MKKS: variants seen among roughly 807,000 people sequenced by gnomAD.
MKKS encodes MKKS centrosomal shuttling protein.
A neutral mutation model predicts 33.2 loss-of-function variants in MKKS; 29 were observed. The observed-to-expected ratio is 0.87, with a 90% CI of 0.65 to 1.19. The LOEUF (loss-of-function observed/expected upper bound fraction) is 1.19. MKKS is among the 50% of genes most tolerant of loss of function. The pLI is 0.00. For missense variants in MKKS, 661 were observed against 662.3 expected (o/e 1.00, Z 0.02); for synonymous variants, 260 against 244.0 (o/e 1.07, Z -0.61).
At chr20:10,425,049 G>A (rs1487426631) in intron 1 of MKKS, among the ~76,000 whole-genome samples, 4 of 139,058 alleles carry the variant, frequency 2.9e-5, no homozygotes, top group Non-Finnish European at 4.6e-5. Context: ...GCTAAACTCC[G>A]TCTCAAAAAA....
intron 2 of MKKS, among the ~76,000 whole-genome samples, chr20:10,418,147 T>C (rs2064953743): frequency 6.6e-6 from 1 of 152,258 alleles, no homozygotes; most frequent in Non-Finnish European, 1.5e-5. Flanking sequence ...TTATTCTTAC[T>C]GTTAAAGACA....
chr20:10,413,913 T>A lies in MKKS; in HGVS notation c.-399A>T, dbSNP rs1042353205. 1 of 416,266 alleles carries A rather than the reference T, an allele frequency of 2.4e-6. No individual in the cohort carries two copies. The highest frequency in any genetic ancestry group is 4.2e-6 in the Non-Finnish European group (1 of 235,896). The allele number at this position is 416,266 out of a possible 1,614,324, so 25.8% of individuals were successfully genotyped here. On this transcript the variant is annotated 5_prime_UTR_variant, in exon 3 of 6. Coordinates refer to ENST00000347364, the MANE Select transcript of MKKS (RefSeq NM_170784.3). ...CTCTTCTTTCGATATGAAGCTCAGA[T>A]TCAAAGCTGCTTCTTTACCTAATAA...
At chr20:10,421,416 C>CAA (rs57038274) in intron 1 of MKKS, among the ~76,000 whole-genome samples, 9 of 86,098 alleles carry the variant, frequency 1.0e-4, no homozygotes, top group Non-Finnish European at 1.9e-4. Flanking sequence ...GACTCCATCA[C>CAA]AAAAAAAAAA....
intron 1 of MKKS, among the ~76,000 whole-genome samples, chr20:10,428,545 A>C (rs2065031659): frequency 6.6e-6 from 1 of 152,180 alleles, no homozygotes; most frequent in African/African-American, 2.4e-5. Context: ...GCTCTCAACT[A>C]AATCTTCTTT....
intron 5 of MKKS, among the ~76,000 whole-genome samples, chr20:10,406,089 T>A (rs6108553): frequency 0.14 from 20,635 of 152,128 alleles, 1,525 homozygotes; most frequent in East Asian, 0.24. Flanking sequence ...AGTACTTATT[T>A]ATCTCTGCAA....
intron 3 of MKKS, among the ~76,000 whole-genome samples, chr20:10,411,063 T>C (rs947574490): frequency 2.8e-4 from 43 of 151,666 alleles, no homozygotes; most frequent in Non-Finnish European, 4.3e-4. Context: ...CTCGGTTCAC[T>C]GCAACCTCCA....
intron 1 of MKKS, among the ~76,000 whole-genome samples, chr20:10,433,435 G>GT (rs770798437): frequency 1.3e-5 from 2 of 152,170 alleles, no homozygotes; most frequent in Admixed American, 1.3e-4. Context: ...GGTCACTGCC[G>GT]TATCTACTAA....
At chr20:10,408,989 T>C (rs2064861906) in intron 3 of MKKS, among the ~76,000 whole-genome samples, 186 bp from the exon 4 acceptor site, 1 of 152,218 alleles carries the variant, frequency 6.6e-6, no homozygotes, top group Non-Finnish European at 1.5e-5. Flanking sequence ...TAAAATGATA[T>C]ACAAATAAAG....
In MKKS at chr20:10,402,292, C is replaced by T. The variant is rs1308822845; in HGVS notation, c.*2955G>A. Reference sequence around the variant, plus strand: ...TACCTTAGTTGCTATTTTTACTTATCATTTATTTCTGCCAAAAGGAACTCC... The same window carrying T: ...TACCTTAGTTGCTATTTTTACTTATTATTTATTTCTGCCAAAAGGAACTCC... On this transcript the variant is annotated 3_prime_UTR_variant, in exon 6 of 6. Coordinates refer to ENST00000347364, the MANE Select transcript of MKKS (RefSeq NM_170784.3). 2 of 152,134 alleles carry T rather than the reference C, an allele frequency of 1.3e-5. No individual in the cohort carries two copies. The highest frequency in any genetic ancestry group is 2.4e-5 in the African/African-American group (1 of 41,442). 9.4% of individuals were successfully genotyped at this position (152,134 alleles called of 1,614,324 possible). A position where few individuals can be genotyped will look rare whatever the true frequency, so the allele number is the denominator to read the frequency against.
At chr20:10,421,409 T>G (rs1358104871) in intron 1 of MKKS, among the ~76,000 whole-genome samples, 1 of 119,374 alleles carries the variant, frequency 8.4e-6, no homozygotes. Flanking sequence ...AGAATGAGAC[T>G]CCATCACAAA....
In MKKS at chr20:10,412,555, CAG is replaced by C. The variant is rs770908659; in HGVS notation, c.958_959del (p.Leu320AspfsTer6). The C allele has an allele frequency of 3.1e-6, 5 of 1,613,878 alleles. No individual in the cohort carries two copies. The highest frequency in any genetic ancestry group is 1.7e-5 in the Admixed American group (1 of 60,004). ...IIAIDRIGVTLMEPLTKMTGT... is the reference protein window; with the variant it reads ...IIAIDRIGVTXMEPLTKMTGT... ...CTGTCATTTTAGTCAGGGGTTCCAT[CAG>C]AGTCACTCCAATTCTGTCTATGGCA... is the stretch of plus-strand genomic sequence containing the variant. On this transcript the variant is annotated frameshift_variant, in exon 3 of 6. Coordinates refer to ENST00000347364, the MANE Select transcript of MKKS (RefSeq NM_170784.3). LOFTEE classifies it high-confidence loss of function.
intron 4 of MKKS, among the ~76,000 whole-genome samples, chr20:10,408,349 C>G (rs1156763053): frequency 6.6e-6 from 1 of 152,200 alleles, no homozygotes; most frequent in South Asian, 2.1e-4. Context: ...ACATTACCAT[C>G]AAAGACTACA....
At chr20:10,433,546 G>C (rs2065070948) in intron 1 of MKKS, among the ~76,000 whole-genome samples, 1 of 152,220 alleles carries the variant, frequency 6.6e-6, no homozygotes, top group Non-Finnish European at 1.5e-5. Flanking sequence ...ACGGCAACAG[G>C]ATTTGGGTAT....
intron 2 of MKKS, among the ~76,000 whole-genome samples, chr20:10,419,333 TA>T (rs1188936549): frequency 2.0e-5 from 3 of 152,128 alleles, no homozygotes; most frequent in African/African-American, 7.2e-5. Flanking sequence ...TTAGATTTTA[TA>T]AATACAATAT....
Position 10,401,486 on chromosome 20 carries a change from T to C in MKKS, c.*3761A>G, listed in dbSNP as rs565004104. On this transcript the variant is annotated 3_prime_UTR_variant, in exon 6 of 6. Coordinates refer to ENST00000347364, the MANE Select transcript of MKKS (RefSeq NM_170784.3). ...AGCTGAAACAGGGCCTTGTAGGAGA[T>C]GTTTAGTCTCTTTGACTATTCCCCA... The C allele has an allele frequency of 6.6e-6, 1 of 152,314 alleles. No individual in the cohort carries two copies. The highest frequency in any genetic ancestry group is 6.5e-5 in the Admixed American group (1 of 15,298). 9.4% of individuals were successfully genotyped at this position (152,314 alleles called of 1,614,324 possible).
chr20:10,416,647 T>C (rs2064940986), intron 2 of MKKS, among the ~76,000 whole-genome samples: 1 of 152,218 alleles, frequency 6.6e-6, no homozygotes, highest in South Asian at 2.1e-4. Context: ...TTTCCTTGTA[T>C]AAATGCATTT....
chr20:10,421,902 T>C (rs1426556222), intron 1 of MKKS, among the ~76,000 whole-genome samples: 1 of 152,082 alleles, frequency 6.6e-6, no homozygotes, highest in Admixed American at 6.6e-5. Context: ...CTTATACTCT[T>C]AATAAGGACT....
intron 1 of MKKS, among the ~76,000 whole-genome samples, chr20:10,432,094 T>C (rs1236303854): frequency 6.6e-6 from 1 of 152,212 alleles, no homozygotes; most frequent in Admixed American, 6.5e-5. Flanking sequence ...TTGACTTGGC[T>C]GAAGAGAGTT....
In MKKS at chr20:10,412,636, G is replaced by A; in HGVS notation, c.879C>T (p.Cys293=). The part of the protein sequence containing the change: ...LISDHVDLVL[C]QKVIHPSLKQ... ...TCAAAGATGGATGTATAACTTTTTG[G>A]CACAGGACAAGATCTACGTGGTCAC... The change falls in exon 3 of 6, where the codon TGC becomes TGT. Residue 293 remains cysteine (C), a synonymous_variant. Transcript: ENST00000347364. The A allele has an allele frequency of 6.2e-7, 1 of 1,614,036 alleles. No individual in the cohort carries two copies. Among genetic ancestry groups the A allele is most frequent in the Non-Finnish European group, 8.5e-7 (1 of 1,180,012 alleles).
Sources: allele counts gnomAD v4.1 joint callset (sites outside exome capture counted in the v4.1 genomes callset), GRCh38; gene constraint gnomAD v4.1.1; transcripts MANE v1.5; gene names NCBI Gene and HGNC (gene_info 2026-07-23, HGNC 2026-07-21).